STXBP5L: variants seen among roughly 807,000 people sequenced by gnomAD.
STXBP5L encodes the protein syntaxin binding protein 5L.
A neutral mutation model predicts 144.5 loss-of-function variants in STXBP5L; 65 were observed. That is an observed-to-expected ratio of 0.45 (90% CI 0.37 to 0.55). The LOEUF is 0.55. STXBP5L is among the 20% of genes least tolerant of loss of function. The probability of loss-of-function intolerance (pLI) is 0.00; values close to 1 mark genes in which losing one functional copy is unlikely to be tolerated. For missense variants in STXBP5L, 1,298 were observed against 1,405.5 expected (o/e 0.92, Z 1.22); for synonymous variants, 505 against 469.6 (o/e 1.08, Z -0.97).
intron 20 of STXBP5L, among the ~76,000 whole-genome samples, chr3:121,372,504 C>G (rs957400458): frequency 8.5e-5 from 13 of 152,188 alleles, no homozygotes; most frequent in African/African-American, 2.9e-4. Flanking sequence ...TAAGGGGTCT[C>G]CTCCTGCTGG....
At chr3:121,181,312 A>T (rs891887442) in intron 9 of STXBP5L, among the ~76,000 whole-genome samples, 1 of 150,878 alleles carries the variant, frequency 6.6e-6, no homozygotes, top group Non-Finnish European at 1.5e-5. Context: ...GTGAAACTCC[A>T]TCAAGAAAAG....
intron 5 of STXBP5L, among the ~76,000 whole-genome samples, chr3:121,082,923 G>A (rs989058224): frequency 1.3e-5 from 2 of 152,182 alleles, no homozygotes; most frequent in Admixed American, 6.5e-5. Flanking sequence ...TTTGGGCTGG[G>A]CGTGGTGGCT....
chr3:121,048,511 A>C (rs1476937481), intron 5 of STXBP5L, among the ~76,000 whole-genome samples: 1 of 152,036 alleles, frequency 6.6e-6, no homozygotes, highest in African/African-American at 2.4e-5. Context: ...CTCTTTACAT[A>C]ATCCTTTATT....
intron 19 of STXBP5L, among the ~76,000 whole-genome samples, chr3:121,285,911 C>A (rs1249484136): frequency 6.6e-6 from 1 of 151,974 alleles, no homozygotes; most frequent in Non-Finnish European, 1.5e-5. Context: ...GATGAACCAA[C>A]CCACACCACA....
intron 7 of STXBP5L, among the ~76,000 whole-genome samples, chr3:121,148,804 T>A (rs1478718192): frequency 6.6e-6 from 1 of 152,088 alleles, no homozygotes; most frequent in African/African-American, 2.4e-5. Flanking sequence ...TACCAAAAGA[T>A]ATGTACAAGG....
intron 9 of STXBP5L, among the ~76,000 whole-genome samples, chr3:121,185,400 A>T (rs547086272): frequency 6.6e-6 from 1 of 152,286 alleles, no homozygotes; most frequent in East Asian, 1.9e-4. Context: ...GGTATTGCCT[A>T]GGTTTTCTTC....
chr3:120,996,389 T>C (rs943284017), intron 3 of STXBP5L, among the ~76,000 whole-genome samples: 7 of 152,102 alleles, frequency 4.6e-5, no homozygotes, highest in African/African-American at 1.7e-4. Flanking sequence ...TATATATTTT[T>C]TGAACTGATT....
At chr3:120,951,464 A>T (rs918197447) in intron 2 of STXBP5L, among the ~76,000 whole-genome samples, 2 of 151,296 alleles carry the variant, frequency 1.3e-5, no homozygotes, top group Non-Finnish European at 3.0e-5. Context: ...ACAAGAAAAA[A>T]ACAAACAACC....
At chr3:121,286,387 G>A (rs1019609784) in intron 19 of STXBP5L, among the ~76,000 whole-genome samples, 1 of 152,062 alleles carries the variant, frequency 6.6e-6, no homozygotes, top group Non-Finnish European at 1.5e-5. Flanking sequence ...AAAAATTATG[G>A]TAAACAATAA....
chr3:121,364,619 A>AT (rs2045812497), intron 20 of STXBP5L, among the ~76,000 whole-genome samples: 1 of 151,816 alleles, frequency 6.6e-6, no homozygotes, highest in Admixed American at 6.6e-5. Flanking sequence ...ATGTTCTTTA[A>AT]TTTTTTCAGT....
intron 3 of STXBP5L, among the ~76,000 whole-genome samples, chr3:121,004,210 T>C (rs969516430): frequency 6.3e-4 from 96 of 152,224 alleles, no homozygotes; most frequent in Non-Finnish European, 9.1e-4. Flanking sequence ...TTTGTTTGTA[T>C]CCTCTTTTAT....
rs1253258256 is a variant in STXBP5L at position 120,909,694 on chromosome 3, C to T, written c.116C>T (p.Pro39Leu). 11 of 1,612,238 alleles carry T rather than the reference C, an allele frequency of 6.8e-6. No individual in the cohort carries two copies. Among genetic ancestry groups the T allele is most frequent in the South Asian group, 5.5e-5 (5 of 90,666 alleles). ...GGGAGSGSVH[P>L]AGTAGVLREE... The stretch of plus-strand genomic sequence containing the variant: ...GGGGCTGGAAGTGGTTCCGTACATC[C>T]GGCGGGGACTGCAGGGGTTCTCAGA... The change falls in exon 2 of 27, where the codon CCG (proline) becomes CTG (leucine). Residue 39 changes from proline (P) to leucine (L), a missense_variant. Coordinates refer to ENST00000471454, the MANE Select transcript of STXBP5L (RefSeq NM_001308330.2).
chr3:121,186,297 C>T (rs974406813), intron 9 of STXBP5L, among the ~76,000 whole-genome samples: 1 of 152,168 alleles, frequency 6.6e-6, no homozygotes, highest in African/African-American at 2.4e-5. Flanking sequence ...TTTCCTTCTC[C>T]TGCCTGATAG....
chr3:121,265,515 A>G (rs2050532823), intron 18 of STXBP5L, among the ~76,000 whole-genome samples: 1 of 152,250 alleles, frequency 6.6e-6, no homozygotes, highest in South Asian at 2.1e-4. Context: ...TACAAGAGAA[A>G]GCAGGAAAGA....
At chr3:121,207,515 T>C (rs963829230) in intron 10 of STXBP5L, among the ~76,000 whole-genome samples, 3 of 151,994 alleles carry the variant, frequency 2.0e-5, no homozygotes, top group Admixed American at 6.6e-5. Context: ...TTCTGTCTGG[T>C]GAAAGAAACT....
chr3:121,119,238 A>T (rs9875146), intron 6 of STXBP5L, among the ~76,000 whole-genome samples: 4,222 of 151,528 alleles, frequency 0.028, 79 homozygotes, highest in Non-Finnish European at 0.043. Flanking sequence ...CTGTATGGCA[A>T]TAATCAACTG....
intron 5 of STXBP5L, among the ~76,000 whole-genome samples, chr3:121,093,904 C>T (rs951791451): frequency 6.6e-6 from 1 of 151,968 alleles, no homozygotes; most frequent in South Asian, 2.1e-4. Context: ...CTCTTGTGGG[C>T]ATTTAGTGCT....
chr3:121,388,963 T>C (rs1306535820), intron 22 of STXBP5L, among the ~76,000 whole-genome samples: 2 of 152,214 alleles, frequency 1.3e-5, no homozygotes, highest in African/African-American at 2.4e-5. Context: ...TGAGAAGGAA[T>C]GGCACCAGCT....
At chr3:121,092,798 C>G (rs2042885343) in intron 5 of STXBP5L, among the ~76,000 whole-genome samples, 1 of 152,148 alleles carries the variant, frequency 6.6e-6, no homozygotes, top group Non-Finnish European at 1.5e-5. Flanking sequence ...GCCAGAACTT[C>G]CAACACCATG....
Sources: allele counts gnomAD v4.1 joint callset (sites outside exome capture counted in the v4.1 genomes callset), GRCh38; gene constraint gnomAD v4.1.1; transcripts MANE v1.5; gene names NCBI Gene and HGNC (gene_info 2026-07-23, HGNC 2026-07-21).